SPG11: variants seen among roughly 807,000 people sequenced by gnomAD.
SPG11 encodes spatacsin.
In SPG11, 222 loss-of-function variants were observed where a neutral mutation model predicts 274.0. The ratio of observed to expected loss-of-function variants is 0.81; its 90% CI spans 0.73 to 0.91. The LOEUF (loss-of-function observed/expected upper bound fraction) is 0.91. Among genes scored for constraint, SPG11 ranks in the 40% least tolerant of loss-of-function variants. The pLI, the probability that SPG11 is intolerant of heterozygous loss-of-function variation, is 0.00. For synonymous variants in SPG11, 1,144 were observed against 1,039.7 expected (o/e 1.10, Z -1.93); for missense variants, 3,114 against 2,872.7 (o/e 1.08, Z -1.92).
intron 1 of SPG11, 38 bp downstream of exon 1, chr15:44,663,353 G>A (rs1227353029): frequency 1.9e-6 from 3 of 1,593,182 alleles, no homozygotes; most frequent in South Asian, 1.1e-5. Flanking sequence ...CCTAGGCTCT[G>A]GACTCCCCCA....
At chr15:44,661,499 A>C (rs2085105142) in intron 1 of SPG11, among the ~76,000 whole-genome samples, 1 of 152,108 alleles carries the variant, frequency 6.6e-6, no homozygotes, top group Non-Finnish European at 1.5e-5. Flanking sequence ...TACATACATG[A>C]TTTAATTCAA....
chr15:44,635,042 C>T lies in SPG11; in HGVS notation c.1603-1405G>A, dbSNP rs144107480. ...ACCAGCCTGGCTAACACGGTGAAAC[C>T]CCATTTCTACTAAAAATACAAAAAT... On this transcript the variant is annotated intron_variant, in intron 7 of 39. Transcript: ENST00000261866. Among the ~76,000 whole-genome samples the T allele has an allele frequency of 3.3e-3, 504 of 151,390 alleles. 4 individuals are homozygous for T. Among genetic ancestry groups the T allele is most frequent in the African/African-American group, 0.011 (469 of 41,304 alleles).
Position 44,621,820 on chromosome 15 carries a change from C to A in SPG11, c.2559G>T (p.Trp853Cys), listed in dbSNP as rs2083759955. Residue 853 changes from tryptophan to cysteine, a missense_variant, in exon 14 of 40, where the codon TGG becomes TGT. Transcript: ENST00000261866. Reference sequence around the variant, plus strand: ...GTGTTAGTTGATCCCACCACAGAGCCCAATTTAACACAATTCTATGGTCCT... The same window carrying A: ...GTGTTAGTTGATCCCACCACAGAGCACAATTTAACACAATTCTATGGTCCT... ...NKQDHRIVLN[W>C]ALWWDQLTQE... The A allele has an allele frequency of 1.2e-6, 2 of 1,613,898 alleles. No homozygotes were observed. The highest frequency in any genetic ancestry group is 1.7e-6 in the Non-Finnish European group (2 of 1,179,924).
intron 17 of SPG11, among the ~76,000 whole-genome samples, chr15:44,611,553 A>G (rs1188373190): frequency 6.6e-6 from 1 of 152,186 alleles, no homozygotes; most frequent in Non-Finnish European, 1.5e-5. Flanking sequence ...CTCCCTTGGA[A>G]AGCAATCCGG....
chr15:44,583,265 A>G (rs963719557), intron 30 of SPG11, among the ~76,000 whole-genome samples: 1 of 152,184 alleles, frequency 6.6e-6, no homozygotes, highest in African/African-American at 2.4e-5. Context: ...GAATCGCCTG[A>G]GGTCAGGAGT....
chr15:44,569,254 C>T (rs2082368734), intron 35 of SPG11, 144 bp downstream of exon 35: 5 of 694,492 alleles, frequency 7.2e-6, no homozygotes, highest in Admixed American at 4.1e-5. Context: ...CCACTGGTGA[C>T]AGTGTATGTC....
At chr15:44,655,616 A>G (rs2084917785) in intron 4 of SPG11, among the ~76,000 whole-genome samples, 1 of 151,352 alleles carries the variant, frequency 6.6e-6, no homozygotes, top group African/African-American at 2.5e-5. Context: ...TATTGTAAGA[A>G]TATAGTGTAA....
At chr15:44,569,367 C>T in intron 35 of SPG11, 31 bp downstream of exon 35, 2 of 1,445,130 alleles carry the variant, frequency 1.4e-6, no homozygotes, top group Non-Finnish European at 1.9e-6. Context: ...AGCAGTACAC[C>T]CCATCCTGGA....
intron 7 of SPG11, 26 bp downstream of exon 7, chr15:44,648,840 T>G (rs754477460): frequency 1.9e-6 from 3 of 1,610,288 alleles, no homozygotes; most frequent in Non-Finnish European, 1.7e-6. Context: ...AATTAAGTAA[T>G]GTTCTTGGGC....
At chr15:44,663,282 C>T in intron 1 of SPG11, 109 bp downstream of exon 1, 1 of 1,450,678 alleles carries the variant, frequency 6.9e-7, no homozygotes, top group Non-Finnish European at 9.4e-7. Context: ...CACCCTTCTC[C>T]CGCCACCTCT....
Position 44,628,033 on chromosome 15 carries a change from T to C in SPG11, c.2067+636A>G, listed in dbSNP as rs75906367. On this transcript the variant is annotated intron_variant, in intron 10 of 39. Coordinates refer to ENST00000261866, the MANE Select transcript of SPG11 (RefSeq NM_025137.4). The stretch of plus-strand genomic sequence containing the variant: ...CTTATCACTTTAATTCCCAATTGAT[T>C]ATGATCATCTGTGTTAAGCTGTTTT... Among the ~76,000 whole-genome samples the C allele has an allele frequency of 5.4e-3, 830 of 152,320 alleles. 4 individuals are homozygous for C. The highest frequency in any genetic ancestry group is 8.7e-3 in the Non-Finnish European group (594 of 68,018).
At chr15:44,640,994 C>T (rs2084423441) in intron 7 of SPG11, among the ~76,000 whole-genome samples, 1 of 152,168 alleles carries the variant, frequency 6.6e-6, no homozygotes, top group Non-Finnish European at 1.5e-5. Context: ...TCCCAAAGTG[C>T]TGGGATTACA....
At chr15:44,608,718 G>A (rs951581851) in intron 18 of SPG11, 113 bp from the exon 19 acceptor site, 5 of 990,836 alleles carry the variant, frequency 5.0e-6, no homozygotes, top group African/African-American at 4.9e-5. Context: ...GTATGTGGTA[G>A]TGAATATAGC....
intron 27 of SPG11, chr15:44,590,566 C>A (rs370238450): frequency 6.6e-6 from 1 of 152,074 alleles, no homozygotes; most frequent in Non-Finnish European, 1.5e-5. Context: ...ATGATGATAG[C>A]GCCCAACAGA....
intron 10 of SPG11, among the ~76,000 whole-genome samples, chr15:44,627,692 C>A (rs1215643518): frequency 1.3e-5 from 2 of 152,024 alleles, no homozygotes; most frequent in Admixed American, 1.3e-4. Flanking sequence ...CGGGTTCAAG[C>A]AATTCTCCTG....
At chr15:44,643,725 C>T (rs1392702824) in intron 7 of SPG11, among the ~76,000 whole-genome samples, 3 of 151,958 alleles carry the variant, frequency 2.0e-5, no homozygotes, top group African/African-American at 7.3e-5. Flanking sequence ...CAAAGGACAC[C>T]ATCGAGAAGG....
chr15:44,570,764 T>C, intron 33 of SPG11, 106 bp from the exon 34 acceptor site: 1 of 1,448,496 alleles, frequency 6.9e-7, no homozygotes, highest in Non-Finnish European at 9.5e-7. Flanking sequence ...GGGGCCTGTC[T>C]GGAGAGGGCC....
chr15:44,593,384 G>T (rs1048792277), intron 26 of SPG11, among the ~76,000 whole-genome samples: 1 of 152,116 alleles, frequency 6.6e-6, no homozygotes, highest in African/African-American at 2.4e-5. Flanking sequence ...TAGAGACGGG[G>T]TTCACTGTGT....
chr15:44,593,588 TG>T (rs1484271859), intron 26 of SPG11, among the ~76,000 whole-genome samples: 1 of 152,164 alleles, frequency 6.6e-6, no homozygotes, highest in Non-Finnish European at 1.5e-5. Context: ...TTGTTGTCAG[TG>T]GGAGTCGCTC....
Sources: allele counts gnomAD v4.1 joint callset (sites outside exome capture counted in the v4.1 genomes callset), GRCh38; gene constraint gnomAD v4.1.1; transcripts MANE v1.5; gene names NCBI Gene and HGNC (gene_info 2026-07-23, HGNC 2026-07-21).